RMDN2: variants seen among roughly 807,000 people sequenced by gnomAD.
RMDN2 encodes regulator of microtubule dynamics 2, also known as regulator of microtubule dynamics protein 2.
RMDN2 carries 61 observed loss-of-function variants against 52.8 expected under a neutral mutation model. That is an observed-to-expected ratio of 1.16 (90% CI 0.94 to 1.43). The LOEUF (loss-of-function observed/expected upper bound fraction) is 1.43. Among genes scored for constraint, RMDN2 ranks in the 40% most tolerant of loss-of-function variants. The pLI is 0.00. For missense variants in RMDN2, 592 were observed against 475.3 expected, an observed-to-expected ratio of 1.25 and a Z score of -2.28; for synonymous variants, 180 against 153.1, an observed-to-expected ratio of 1.18 and a Z score of -1.30.
At chr2:37,997,303 T>G (rs1675684101) in intron 7 of RMDN2, 113 bp from the exon 8 acceptor site, 1 of 708,980 alleles carries the variant, frequency 1.4e-6, no homozygotes, top group Admixed American at 2.4e-5. Flanking sequence ...ATATGTTATA[T>G]CTATACACAC....
intron 5 of RMDN2, among the ~76,000 whole-genome samples, chr2:37,986,907 A>G (rs529339540): frequency 5.3e-5 from 8 of 152,212 alleles, no homozygotes; most frequent in African/African-American, 1.9e-4. Context: ...TTGAGAAACT[A>G]AGATCAGGAG....
intron 8 of RMDN2, among the ~76,000 whole-genome samples, chr2:38,001,036 T>C (rs1480349171): frequency 6.6e-6 from 1 of 152,216 alleles, no homozygotes; most frequent in Non-Finnish European, 1.5e-5. Flanking sequence ...GCTACCCTGA[T>C]TGCACTTATT....
chr2:37,976,900 G>C (rs1442831639), intron 4 of RMDN2, among the ~76,000 whole-genome samples: 3 of 151,604 alleles, frequency 2.0e-5, no homozygotes, highest in South Asian at 2.1e-4. Flanking sequence ...CGGAGAGGGG[G>C]ATTTGGCAGG....
At chr2:38,003,054 A>G (rs1213796311) in intron 8 of RMDN2, 1 of 152,266 alleles carries the variant, frequency 6.6e-6, no homozygotes. Context: ...AGATAGGAGA[A>G]AAGTACCTTT....
At chr2:38,038,907 C>CCAT (rs1488610870) in intron 10 of RMDN2, among the ~76,000 whole-genome samples, 2 of 152,028 alleles carry the variant, frequency 1.3e-5, no homozygotes, top group Non-Finnish European at 2.9e-5. Context: ...CTCGGAGGGC[C>CCAT]AGGCTGGTGG....
chr2:38,021,144 T>C (rs376595861), downstream of RMDN2, among the ~76,000 whole-genome samples: 2 of 152,112 alleles, frequency 1.3e-5, no homozygotes, highest in African/African-American at 4.8e-5. Context: ...TGGTGGCAAC[T>C]TGGAGAACCT....
chr2:37,986,651 C>T (rs1167750639), intron 5 of RMDN2, among the ~76,000 whole-genome samples: 1 of 152,018 alleles, frequency 6.6e-6, no homozygotes, highest in Non-Finnish European at 1.5e-5. Context: ...TATAATCCAC[C>T]ACATTAACAC....
chr2:38,034,975 T>C (rs1226641892), intron 10 of RMDN2, among the ~76,000 whole-genome samples: 1 of 152,162 alleles, frequency 6.6e-6, no homozygotes, highest in Non-Finnish European at 1.5e-5. Flanking sequence ...TTATTGAATA[T>C]TGTTCTAGAG....
downstream of RMDN2, chr2:38,017,817 G>T: frequency 4.4e-6 from 1 of 225,796 alleles, no homozygotes. Flanking sequence ...TATTTCATCT[G>T]GGTGCAGGCA....
At chr2:37,988,206 G>T (rs771615259) in intron 5 of RMDN2, among the ~76,000 whole-genome samples, 1 of 152,118 alleles carries the variant, frequency 6.6e-6, no homozygotes, top group Non-Finnish European at 1.5e-5. Flanking sequence ...AAGAACATAG[G>T]CCTGAGGCAA....
At chr2:38,041,381 A>T (rs1680938281) in intron 10 of RMDN2, among the ~76,000 whole-genome samples, 2 of 149,084 alleles carry the variant, frequency 1.3e-5, no homozygotes, top group African/African-American at 4.9e-5. Flanking sequence ...CAGACATGTC[A>T]TCTACAAAGA....
At chr2:38,031,626 G>C (rs13432490) in intron 10 of RMDN2, among the ~76,000 whole-genome samples, 1 of 152,174 alleles carries the variant, frequency 6.6e-6, no homozygotes, top group Non-Finnish European at 1.5e-5. Context: ...CTGTGGATGA[G>C]AGGAAAGTTT....
chr2:38,031,414 C>G (rs912562944), intron 10 of RMDN2, among the ~76,000 whole-genome samples: 1 of 152,000 alleles, frequency 6.6e-6, no homozygotes, highest in South Asian at 2.1e-4. Context: ...GCTGAAACTA[C>G]AGGTCCCTTT....
chr2:38,039,081 CACACACACACACAGAG>C (rs1314573736), intron 10 of RMDN2, among the ~76,000 whole-genome samples: 29 of 81,714 alleles, frequency 3.5e-4, no homozygotes, highest in African/African-American at 1.5e-3. Flanking sequence ...CACACACACA[CACACACACACACAGAG>C]AGAGAGATAA....
intron 2 of RMDN2, among the ~76,000 whole-genome samples, chr2:37,935,448 C>T (rs531137103): frequency 6.6e-6 from 1 of 152,328 alleles, no homozygotes; most frequent in East Asian, 1.9e-4. Flanking sequence ...AACAGAGATT[C>T]AGAAGCTCAT....
At chr2:37,964,218 C>T (rs1227014586) in intron 2 of RMDN2, among the ~76,000 whole-genome samples, 6 of 152,060 alleles carry the variant, frequency 3.9e-5, no homozygotes, top group African/African-American at 1.2e-4. Context: ...ACTTCTCAGA[C>T]AGGGCGGCTG....
upstream of RMDN2, among the ~76,000 whole-genome samples, chr2:37,924,637 G>A (rs1476601379): frequency 3.3e-5 from 5 of 152,232 alleles, no homozygotes; most frequent in Admixed American, 6.5e-5. Flanking sequence ...AAAGTGCTGG[G>A]ATTACAGGCG....
intron 10 of RMDN2, among the ~76,000 whole-genome samples, chr2:38,059,627 G>A (rs943827528): frequency 6.6e-6 from 1 of 152,210 alleles, no homozygotes; most frequent in African/African-American, 2.4e-5. Context: ...GAGGGAGCTT[G>A]TGGGGGCAGG....
chr2:38,037,012 C>T (rs1404671379), intron 10 of RMDN2, among the ~76,000 whole-genome samples: 1 of 152,142 alleles, frequency 6.6e-6, no homozygotes, highest in Non-Finnish European at 1.5e-5. Context: ...TTTGTCATTG[C>T]AGTTCATTTA....
Sources: gnomAD v4.1 joint callset for allele counts (sites outside exome capture counted in the v4.1 genomes callset) on GRCh38, gnomAD v4.1.1 for gene constraint, MANE v1.5 for transcripts, NCBI Gene and HGNC (gene_info 2026-07-23, HGNC 2026-07-21) for gene names.